Variants in PDE3A observed in about 807,000 individuals in gnomAD.
The protein encoded by PDE3A is cGMP-inhibited 3',5'-cyclic phosphodiesterase 3A.
PDE3A carries 43 observed loss-of-function variants against 98.3 expected under a neutral mutation model. The observed-to-expected ratio is 0.44, with a 90% CI of 0.34 to 0.56. The LOEUF (loss-of-function observed/expected upper bound fraction) is 0.56. Ranked by LOEUF, PDE3A falls within the 20% of genes least tolerant of loss-of-function variation. PDE3A has a pLI of 0.01. For missense variants in PDE3A, 1,427 were observed against 1,440.7 expected (o/e 0.99, Z 0.15); for synonymous variants, 663 against 567.9 (o/e 1.17, Z -2.38).
At chr12:20,537,084 T>C (rs1376495034) in intron 1 of PDE3A, among the ~76,000 whole-genome samples, 4 of 152,130 alleles carry the variant, frequency 2.6e-5, no homozygotes, top group Middle Eastern at 3.4e-3. Flanking sequence ...TAAAAATGGT[T>C]TTTATAGCCA....
At chr12:20,442,600 A>G (rs1944887372) in intron 1 of PDE3A, among the ~76,000 whole-genome samples, 1 of 152,206 alleles carries the variant, frequency 6.6e-6, no homozygotes, top group Non-Finnish European at 1.5e-5. Flanking sequence ...TGGGAGACGC[A>G]CGGAAATACT....
intron 15 of PDE3A, among the ~76,000 whole-genome samples, chr12:20,665,668 T>C (rs1235613216): frequency 6.6e-6 from 1 of 152,124 alleles, no homozygotes; most frequent in Non-Finnish European, 1.5e-5. Flanking sequence ...ATGTAAAAAA[T>C]GTACATTCCT....
At position 20,651,200 on chromosome 12, in the gene PDE3A, C is replaced by T. The variant is rs1944907630; in HGVS notation, c.2925+600C>T. 3.3e-5 allele frequency among the ~76,000 whole-genome samples: 5 copies of T among 152,096 alleles called. 1 individual carries two copies. The highest frequency in any genetic ancestry group is 2.0e-4 in the Admixed American group (3 of 15,262). ...GATAACTAAGAGTTAACAGACTACT[C>T]AGAAAGCTACCACAATTACATAAGC... On this transcript the variant is annotated intron_variant, in intron 14 of 15. Transcript: ENST00000359062.
At chr12:20,591,792 T>A (rs1943344604) in intron 2 of PDE3A, among the ~76,000 whole-genome samples, 1 of 152,232 alleles carries the variant, frequency 6.6e-6, no homozygotes, top group Non-Finnish European at 1.5e-5. Context: ...AGAATGTCAG[T>A]GTACTCATTT....
chr12:20,595,023 T>G (rs368737764), intron 2 of PDE3A, among the ~76,000 whole-genome samples: 224 of 152,270 alleles, frequency 1.5e-3, no homozygotes, highest in African/African-American at 5.1e-3. Flanking sequence ...TTAGAATATT[T>G]TCAACTGTAA....
At chr12:20,576,988 T>C (rs906147902) in intron 2 of PDE3A, among the ~76,000 whole-genome samples, 2 of 151,686 alleles carry the variant, frequency 1.3e-5, no homozygotes, top group African/African-American at 4.8e-5. Flanking sequence ...GATTGAGGAG[T>C]TAGCACCCTC....
intron 1 of PDE3A, among the ~76,000 whole-genome samples, chr12:20,508,302 A>G (rs964926806): frequency 7.2e-5 from 11 of 151,798 alleles, no homozygotes; most frequent in Non-Finnish European, 1.5e-4. Flanking sequence ...CACCCCCCAT[A>G]ATACCAGCCC....
At chr12:20,641,158 T>G (rs1401065512) in intron 10 of PDE3A, among the ~76,000 whole-genome samples, 1 of 150,582 alleles carries the variant, frequency 6.6e-6, no homozygotes, top group Non-Finnish European at 1.5e-5. Context: ...CAGCTGTTAG[T>G]GTATCATAGA....
At chr12:20,646,987 A>C (rs776594516) in intron 12 of PDE3A, 37 bp downstream of exon 12, 2 of 1,427,998 alleles carry the variant, frequency 1.4e-6, no homozygotes, top group Non-Finnish European at 2.0e-6. Flanking sequence ...AACTAATTTA[A>C]AGATTTCTCA....
At chr12:20,579,886 A>G (rs568049714) in intron 2 of PDE3A, among the ~76,000 whole-genome samples, 2 of 152,322 alleles carry the variant, frequency 1.3e-5, no homozygotes, top group East Asian at 1.9e-4. Context: ...GCCATGTATT[A>G]TAGAAATTGG....
intron 1 of PDE3A, among the ~76,000 whole-genome samples, chr12:20,506,357 C>A (rs1247132942): frequency 6.6e-6 from 1 of 151,910 alleles, no homozygotes; most frequent in Non-Finnish European, 1.5e-5. Context: ...GTATTTCATT[C>A]CAGTATAACA....
At chr12:20,667,384 T>C (rs1225776778) in intron 15 of PDE3A, among the ~76,000 whole-genome samples, 1 of 152,218 alleles carries the variant, frequency 6.6e-6, no homozygotes, top group Non-Finnish European at 1.5e-5. Context: ...CCTTATGTTG[T>C]CTTCTAACAG....
At chr12:20,588,674 C>A (rs1476565434) in intron 2 of PDE3A, among the ~76,000 whole-genome samples, 1 of 152,054 alleles carries the variant, frequency 6.6e-6, no homozygotes, top group Non-Finnish European at 1.5e-5. Flanking sequence ...CCCCATGCTG[C>A]CTTGTCAGCC....
chr12:20,429,554 T>C (rs562354319), intron 1 of PDE3A, among the ~76,000 whole-genome samples: 1 of 152,316 alleles, frequency 6.6e-6, no homozygotes, highest in Admixed American at 6.5e-5. Context: ...CCTAGAGCAA[T>C]CTTCACTGAA....
intron 1 of PDE3A, among the ~76,000 whole-genome samples, chr12:20,405,232 G>A (rs978430575): frequency 6.6e-6 from 1 of 152,082 alleles, no homozygotes; most frequent in Non-Finnish European, 1.5e-5. Flanking sequence ...TATTATGGGT[G>A]TCTACCTCCA....
chr12:20,370,405 T>TC (rs1565527523), intron 1 of PDE3A, 161 bp downstream of exon 1: 1 of 475,096 alleles, frequency 2.1e-6, no homozygotes, highest in Non-Finnish European at 3.4e-6. Context: ...TTTTTGTTTT[T>TC]TTTGTTTTTT....
At chr12:20,650,313 A>T in intron 13 of PDE3A, 132 bp from the exon 14 acceptor site, 1 of 480,734 alleles carries the variant, frequency 2.1e-6, no homozygotes, top group Non-Finnish European at 3.7e-6. Flanking sequence ...TTAAGTAGCT[A>T]GAGGTTCCCA....
chr12:20,548,012 T>C (rs1942099524), intron 1 of PDE3A, among the ~76,000 whole-genome samples: 2 of 152,242 alleles, frequency 1.3e-5, no homozygotes, highest in South Asian at 4.1e-4. Flanking sequence ...CTGTGTAACA[T>C]ACTGTTAGCT....
intron 2 of PDE3A, among the ~76,000 whole-genome samples, chr12:20,596,645 G>A (rs1943474165): frequency 6.6e-6 from 1 of 152,114 alleles, no homozygotes; most frequent in South Asian, 2.1e-4. Context: ...GAACGATCTG[G>A]CTTAAGTATC....
Sources: gnomAD v4.1 joint callset for allele counts (sites outside exome capture counted in the v4.1 genomes callset) on GRCh38, gnomAD v4.1.1 for gene constraint, MANE v1.5 for transcripts, NCBI Gene and HGNC (gene_info 2026-07-23, HGNC 2026-07-21) for gene names.